The following DNAH5 variants were observed in gnomAD, a reference collection of about 807,000 sequenced individuals.
DNAH5 encodes dynein axonemal heavy chain 5.
Under a neutral mutation model 518.2 loss-of-function variants are expected in DNAH5, and 372 were observed. That is an observed-to-expected ratio of 0.72 (90% CI 0.66 to 0.78). DNAH5 has a LOEUF of 0.78. Among genes scored for constraint, DNAH5 ranks in the 30% least tolerant of loss-of-function variants. DNAH5 has a pLI of 0.00. For missense variants in DNAH5, 5,523 were observed against 5,687.0 expected (o/e 0.97, Z 0.93); for synonymous variants, 2,039 against 2,025.9 (o/e 1.01, Z -0.17).
chr5:13,899,004 T>C (rs1258193241), intron 15 of DNAH5: 1 of 160,094 alleles, frequency 6.2e-6, no homozygotes, highest in Admixed American at 6.5e-5. Flanking sequence ...CAATCTCAGC[T>C]CACTGCAACC....
In DNAH5 at chr5:13,811,643, T is replaced by G. The variant is rs1313931851; in HGVS notation, c.7407+4A>C. On this transcript the variant is annotated splice_donor_region_variant and intron_variant, in intron 44 of 78. Transcript: ENST00000265104. ...GAATTTCTCTAGAAAGTTGAGCAATTTACCTTCAGAGGAATCAGGCCTTGA... is the reference window on the plus strand; with the variant it reads ...GAATTTCTCTAGAAAGTTGAGCAATGTACCTTCAGAGGAATCAGGCCTTGA... The G allele has an allele frequency of 9.3e-6, 15 of 1,613,928 alleles. No homozygotes were observed. The Admixed American group carries it at 2.5e-4, about 27-fold the overall frequency.
At chr5:13,911,127 ACTTT>A (rs1775937104) in intron 12 of DNAH5, among the ~76,000 whole-genome samples, 3 of 152,216 alleles carry the variant, frequency 2.0e-5, no homozygotes, top group African/African-American at 7.2e-5. Flanking sequence ...ATGAAAGTTA[ACTTT>A]CTAAGAACGT....
chr5:13,875,923 G>A (rs780781996), intron 22 of DNAH5, among the ~76,000 whole-genome samples: 9 of 152,094 alleles, frequency 5.9e-5, no homozygotes, highest in Non-Finnish European at 7.4e-5. Context: ...TCAAATGAAC[G>A]TAACTCATTG....
intron 28 of DNAH5, 86 bp downstream of exon 28, chr5:13,864,311 T>C: frequency 6.4e-7 from 1 of 1,562,320 alleles, no homozygotes; most frequent in South Asian, 1.1e-5. Context: ...CTGAGTGTAG[T>C]TTACTGATCC....
chr5:13,858,118 C>T (rs1004720534), intron 30 of DNAH5, among the ~76,000 whole-genome samples: 4 of 152,116 alleles, frequency 2.6e-5, no homozygotes, highest in African/African-American at 4.8e-5. Context: ...CATATGCACA[C>T]GTATGTTTAT....
At chr5:13,814,514 GC>G in intron 43 of DNAH5, 90 bp downstream of exon 43, 1 of 1,285,496 alleles carries the variant, frequency 7.8e-7, no homozygotes, top group Non-Finnish European at 1.1e-6. Flanking sequence ...CAGTTACACT[GC>G]CATCTGCAGA....
At chr5:13,824,394 T>G (rs1260016494) in intron 38 of DNAH5, 61 bp from the exon 39 acceptor site, 1 of 1,504,540 alleles carries the variant, frequency 6.6e-7, no homozygotes, top group African/African-American at 1.4e-5. Flanking sequence ...AGAAGCCATA[T>G]GAATCTGACA....
At chr5:13,903,983 C>T (rs138061087) in intron 12 of DNAH5, among the ~76,000 whole-genome samples, 144 of 152,110 alleles carry the variant, frequency 9.5e-4, no homozygotes, top group African/African-American at 3.2e-3. Context: ...TTAGTAATAA[C>T]AAGTTTGAAA....
chr5:13,994,682 A>AG (rs1433560078), intron 1 of DNAH5, among the ~76,000 whole-genome samples: 2 of 152,198 alleles, frequency 1.3e-5, no homozygotes, highest in Non-Finnish European at 2.9e-5. Context: ...CTTAAACGGA[A>AG]GGGGAACCCA....
intron 1 of DNAH5, among the ~76,000 whole-genome samples, chr5:14,011,109 G>A (rs1695236230): frequency 6.6e-6 from 1 of 152,054 alleles, no homozygotes; most frequent in Non-Finnish European, 1.5e-5. Context: ...GTAAGAGACA[G>A]AAAGAACCCA....
At chr5:13,943,249 A>T (rs553892952) in intron 1 of DNAH5, among the ~76,000 whole-genome samples, 1 of 152,252 alleles carries the variant, frequency 6.6e-6, no homozygotes, top group South Asian at 2.1e-4. Flanking sequence ...AGGACCAAGC[A>T]TATACTATGG....
chr5:13,918,822 T>C (rs1379234229), intron 7 of DNAH5, among the ~76,000 whole-genome samples: 1 of 152,190 alleles, frequency 6.6e-6, no homozygotes, highest in African/African-American at 2.4e-5. Context: ...ATAAAACTAA[T>C]ATACAAGGAC....
intron 1 of DNAH5, among the ~76,000 whole-genome samples, chr5:13,985,808 A>ATAGCATCT (rs1159112500): frequency 6.6e-6 from 1 of 152,122 alleles, no homozygotes; most frequent in Non-Finnish European, 1.5e-5. Flanking sequence ...CCAGTTAACA[A>ATAGCATCT]CAGGATGCCC....
chr5:13,740,197 C>T (rs184634653), intron 65 of DNAH5, among the ~76,000 whole-genome samples: 3 of 152,196 alleles, frequency 2.0e-5, no homozygotes, highest in East Asian at 3.9e-4. Context: ...AATCATTTCT[C>T]ACTCCCTCCA....
At chr5:13,950,765 G>A (rs1278661279) in intron 1 of DNAH5, among the ~76,000 whole-genome samples, 1 of 152,116 alleles carries the variant, frequency 6.6e-6, no homozygotes, top group African/African-American at 2.4e-5. Context: ...GTTTCATGTT[G>A]AGTCTCTTCA....
chr5:13,712,539 C>T (rs1185181686), intron 75 of DNAH5, among the ~76,000 whole-genome samples: 1 of 152,174 alleles, frequency 6.6e-6, no homozygotes, highest in African/African-American at 2.4e-5. Context: ...AAACAACCCA[C>T]AGAGTGGGAG....
At chr5:13,828,651 T>G (rs1033110011) in intron 38 of DNAH5, among the ~76,000 whole-genome samples, 1 of 152,260 alleles carries the variant, frequency 6.6e-6, no homozygotes, top group Non-Finnish European at 1.5e-5. Flanking sequence ...AGTGGTCATG[T>G]TGGGGAAACC....
intron 21 of DNAH5, 131 bp downstream of exon 21, chr5:13,882,597 T>C: frequency 1.3e-6 from 1 of 773,644 alleles, no homozygotes. Context: ...TTTTGTCAAC[T>C]TCAAATTGGC....
At position 13,836,744 on chromosome 5, in the gene DNAH5, C is replaced by A. The variant is rs187550887; in HGVS notation, c.5882+2612G>T. Among the ~76,000 whole-genome samples the A allele has an allele frequency of 4.6e-5, 7 of 152,278 alleles. No homozygotes were observed. The East Asian group carries it at 1.4e-3, about 29-fold the overall frequency. On this transcript the variant is annotated intron_variant, in intron 35 of 78. Coordinates refer to ENST00000265104, the MANE Select transcript of DNAH5 (RefSeq NM_001369.3). ...ACCTTCCACAGCTAATGGGACTTTGCAGATGTCATTAATGTTAAGGACCTT... is the reference window on the plus strand; with the variant it reads ...ACCTTCCACAGCTAATGGGACTTTGAAGATGTCATTAATGTTAAGGACCTT...
Sources: gnomAD v4.1 joint callset for allele counts (sites outside exome capture counted in the v4.1 genomes callset) on GRCh38, gnomAD v4.1.1 for gene constraint, MANE v1.5 for transcripts, NCBI Gene and HGNC (gene_info 2026-07-23, HGNC 2026-07-21) for gene names.